Variants in ASIP observed in about 807,000 individuals in gnomAD.
ASIP encodes the protein agouti-signaling protein.
ASIP carries 11 observed loss-of-function variants against 10.3 expected under a neutral mutation model. The observed-to-expected ratio is 1.07, with a 90% CI of 0.68 to 1.78. The LOEUF (loss-of-function observed/expected upper bound fraction) is 1.78. Among genes scored for constraint, ASIP ranks in the 40% most tolerant of loss-of-function variants. The pLI is 0.00. For missense variants in ASIP, 180 were observed against 169.2 expected, an observed-to-expected ratio of 1.06 and a Z score of -0.35; for synonymous variants, 70 against 70.8, an observed-to-expected ratio of 0.99 and a Z score of 0.06.
chr20:34,242,252 T>G, intron 1 of ASIP, among the ~76,000 whole-genome samples: 1 of 152,088 alleles, frequency 6.6e-6, no homozygotes, highest in Non-Finnish European at 1.5e-5. Flanking sequence ...TATTTATTTT[T>G]GAGACGGAGT....
chr20:34,188,605 T>C, the ASIP span, among the ~76,000 whole-genome samples: 1 of 152,222 alleles, frequency 6.6e-6, no homozygotes, highest in Non-Finnish European at 1.5e-5. Flanking sequence ...TGACATTGTA[T>C]TATTAATTTT....
intron 1 of ASIP, among the ~76,000 whole-genome samples, chr20:34,209,929 G>A (rs1433529911): frequency 6.6e-6 from 1 of 152,170 alleles, no homozygotes; most frequent in Non-Finnish European, 1.5e-5. Flanking sequence ...CCCACCCATG[G>A]CTGCCCATGG....
chr20:34,204,481 A>G (rs1408651132), intron 1 of ASIP, among the ~76,000 whole-genome samples: 1 of 152,174 alleles, frequency 6.6e-6, no homozygotes, highest in Non-Finnish European at 1.5e-5. Flanking sequence ...GGCCTCCCAA[A>G]GTGCTGGGAT....
At chr20:34,218,538 G>A (rs907945858) in intron 1 of ASIP, among the ~76,000 whole-genome samples, 8 of 152,096 alleles carry the variant, frequency 5.3e-5, no homozygotes, top group Non-Finnish European at 1.0e-4. Flanking sequence ...TACTTCTGGG[G>A]AGCACTCCTC....
chr20:34,235,928 AAGC>A lies in ASIP; in HGVS notation c.-10-24436_-10-24434del, dbSNP rs1420433196. Reference sequence around the variant, plus strand: ...GAAGGAAGGAAGGAAGGAAGGAAGGAAGCGGGAGGGAGGGAAGAAGGAAGGAAG... The same window carrying A: ...GAAGGAAGGAAGGAAGGAAGGAAGGAGGGAGGGAGGGAAGAAGGAAGGAAG... On this transcript the variant is annotated intron_variant, in intron 1 of 3. Coordinates refer to the ASIP transcript ENST00000568305. Among the ~76,000 whole-genome samples, 16 of 90,880 alleles carry A rather than the reference AAGC, an allele frequency of 1.8e-4. 2 individuals carry two copies. In the African/African-American group the frequency reaches 2.0e-3, roughly 11 times the overall value. The allele number at this position is 90,880 out of a possible 152,430, so 59.6% of individuals were successfully genotyped here. A position where few individuals can be genotyped will look rare whatever the true frequency, so the allele number is the denominator to read the frequency against.
At chr20:34,260,221 TA>T in intron 1 of ASIP, 143 bp from the exon 2 acceptor site, 1 of 766,274 alleles carries the variant, frequency 1.3e-6, no homozygotes, top group Admixed American at 2.4e-5. Context: ...TTCCCCATCC[TA>T]AGCCTTGCTA....
At chr20:34,201,056 CTTTCTTTTTT>C (rs2034896195) in intron 1 of ASIP, among the ~76,000 whole-genome samples, 2 of 94,282 alleles carry the variant, frequency 2.1e-5, no homozygotes, top group African/African-American at 7.9e-5. Flanking sequence ...TTCTTTCTTT[CTTTCTTTTTT>C]TTCCTCCAGA....
At chr20:34,215,230 A>G (rs540753938) in intron 1 of ASIP, 1 of 1,580,574 alleles carries the variant, frequency 6.3e-7, no homozygotes, top group South Asian at 1.1e-5. Context: ...ATCATTGGCT[A>G]AAAGGGATAA....
At chr20:34,253,447 T>TTTTA (rs36107431) in intron 1 of ASIP, among the ~76,000 whole-genome samples, 3,863 of 103,756 alleles carry the variant, frequency 0.037, 104 homozygotes, top group East Asian at 0.15. Flanking sequence ...TTTTATTTTA[T>TTTTA]TTTATTTATT....
intron 1 of ASIP, among the ~76,000 whole-genome samples, chr20:34,235,893 GGAAGGAAAGGAA>G (rs2035191890): frequency 1.1e-4 from 10 of 92,012 alleles, no homozygotes; most frequent in Admixed American, 2.0e-4. Flanking sequence ...AAGGAAGGAA[GGAAGGAAAGGAA>G]GGAAGGAAGG....
intron 1 of ASIP, among the ~76,000 whole-genome samples, chr20:34,225,657 A>G (rs1043671026): frequency 5.3e-5 from 8 of 152,152 alleles, no homozygotes; most frequent in Non-Finnish European, 1.0e-4. Context: ...TCTTACCATG[A>G]AGGAAAATAG....
In ASIP at chr20:34,258,691, ACATAC is replaced by A. The variant is rs1483766217; in HGVS notation, c.-10-1673_-10-1669del. 2.1e-3 allele frequency among the ~76,000 whole-genome samples: 95 copies of A among 44,340 alleles called. 6 individuals are homozygous for A. Among genetic ancestry groups the A allele is most frequent in the African/African-American group, 0.013 (49 of 3,866 alleles). The allele number at this position is 44,340 out of a possible 152,430, so 29.1% of individuals were successfully genotyped here. ...GGGGATGCCATATATATATATATAT[ACATAC>A]TATATATATATATTATATATATTAT... On this transcript the variant is annotated intron_variant, in intron 1 of 3. Transcript: ENST00000374954.
intron 1 of ASIP, chr20:34,213,847 T>G: frequency 6.5e-7 from 1 of 1,540,464 alleles, no homozygotes; most frequent in Non-Finnish European, 9.0e-7. Context: ...ACAGCCACAC[T>G]GTTTCACAGT....
intron 1 of ASIP, among the ~76,000 whole-genome samples, chr20:34,254,577 A>T: frequency 6.6e-6 from 1 of 152,204 alleles, no homozygotes; most frequent in East Asian, 1.9e-4. Flanking sequence ...TCCCGAATTG[A>T]TGTGAATCAA....
chr20:34,218,341 T>A (rs1419274278), intron 1 of ASIP, among the ~76,000 whole-genome samples: 1 of 152,158 alleles, frequency 6.6e-6, no homozygotes, highest in Non-Finnish European at 1.5e-5. Flanking sequence ...TTGGAGCTGT[T>A]CACTAAGGCT....
At chr20:34,236,267 C>T (rs2035209116) in intron 1 of ASIP, among the ~76,000 whole-genome samples, 2 of 152,190 alleles carry the variant, frequency 1.3e-5, no homozygotes. Context: ...TGGCTGGGCG[C>T]AGTGGCTCAC....
intron 1 of ASIP, among the ~76,000 whole-genome samples, chr20:34,243,758 TAAAAAA>T (rs760280764): frequency 3.0e-5 from 4 of 134,048 alleles, no homozygotes; most frequent in African/African-American, 7.9e-5. Context: ...ATATTGTATT[TAAAAAA>T]AAAAAAAAAA....
chr20:34,240,545 C>A (rs2035270606), upstream of ASIP, among the ~76,000 whole-genome samples: 1 of 152,026 alleles, frequency 6.6e-6, no homozygotes, highest in Non-Finnish European at 1.5e-5. Flanking sequence ...ATTATGAGAC[C>A]AATATTCCTG....
intron 1 of ASIP, among the ~76,000 whole-genome samples, chr20:34,202,771 C>CTCA (rs2034908216): frequency 6.9e-6 from 1 of 144,612 alleles, no homozygotes. Context: ...CTTCATGCCT[C>CTCA]TCATCTTCCC....
Sources: gnomAD v4.1 joint callset for allele counts (sites outside exome capture counted in the v4.1 genomes callset) on GRCh38, gnomAD v4.1.1 for gene constraint, MANE v1.5 for transcripts, NCBI Gene and HGNC (gene_info 2026-07-23, HGNC 2026-07-21) for gene names.